Variants in MRPL3 observed in about 807,000 individuals in gnomAD.
MRPL3 encodes mitochondrial ribosomal protein L3, also known as large ribosomal subunit protein uL3m.
Under a neutral mutation model 44.3 loss-of-function variants are expected in MRPL3, and 43 were observed. The ratio of observed to expected loss-of-function variants is 0.97; its 90% CI spans 0.76 to 1.25. The LOEUF (loss-of-function observed/expected upper bound fraction) is 1.25. MRPL3 is among the 50% of genes most tolerant of loss of function. The probability of loss-of-function intolerance (pLI) is 0.00; values close to 1 mark genes in which losing one functional copy is unlikely to be tolerated. For synonymous variants in MRPL3, 171 were observed against 152.3 expected, an observed-to-expected ratio of 1.12 and a Z score of -0.91; for missense variants, 406 against 427.6, an observed-to-expected ratio of 0.95 and a Z score of 0.45.
In MRPL3 at chr3:131,502,916, C is replaced by T; in HGVS notation, c.-95G>A. The T allele has an allele frequency of 8.2e-7, 1 of 1,224,054 alleles. No individual in the cohort carries two copies. Among genetic ancestry groups the T allele is most frequent in the South Asian group, 1.3e-5 (1 of 78,188 alleles). The allele number at this position is 1,224,054 out of a possible 1,614,324, so 75.8% of individuals were successfully genotyped here. A position where few individuals can be genotyped will look rare whatever the true frequency, so the allele number is the denominator to read the frequency against. ...CGCCACCGCCACGTGGACGCAGTAG[C>T]CGTGGGGAAGTTTTCGCAATGGCCG... On this transcript the variant is annotated 5_prime_UTR_variant, in exon 1 of 10. Transcript: ENST00000264995.
At chr3:131,492,753 C>T (rs1385473871) in intron 4 of MRPL3, among the ~76,000 whole-genome samples, 1 of 152,174 alleles carries the variant, frequency 6.6e-6, no homozygotes, top group Non-Finnish European at 1.5e-5. Context: ...CAAATCTAAG[C>T]TTCCTGAAAG....
intron 9 of MRPL3, among the ~76,000 whole-genome samples, chr3:131,463,904 TACTTTAGCA>T (rs1933545424): frequency 1.3e-5 from 2 of 152,140 alleles, no homozygotes; most frequent in South Asian, 4.1e-4. Context: ...GAGGCATAAT[TACTTTAGCA>T]ATAAGAAATG....
At chr3:131,489,156 C>T (rs188812201) in intron 5 of MRPL3, among the ~76,000 whole-genome samples, 24 of 152,048 alleles carry the variant, frequency 1.6e-4, no homozygotes, top group African/African-American at 5.8e-4. Context: ...TAGAACTATC[C>T]CTTTATATTT....
At chr3:131,478,901 C>A (rs895507792) in intron 6 of MRPL3, among the ~76,000 whole-genome samples, 1 of 151,922 alleles carries the variant, frequency 6.6e-6, no homozygotes, top group Non-Finnish European at 1.5e-5. Flanking sequence ...CTATGTTGGT[C>A]AGGCTGGTCT....
At chr3:131,467,260 A>G (rs1933633303) in intron 9 of MRPL3, among the ~76,000 whole-genome samples, 1 of 151,824 alleles carries the variant, frequency 6.6e-6, no homozygotes, top group Non-Finnish European at 1.5e-5. Flanking sequence ...ACACATACAC[A>G]CACACACACA....
Position 131,489,968 on chromosome 3 carries a change from A to C in MRPL3, c.568+13T>G. On this transcript the variant is annotated intron_variant, in intron 5 of 9. Coordinates refer to ENST00000264995, the MANE Select transcript of MRPL3 (RefSeq NM_007208.4). Reference sequence around the variant, plus strand: ...GTATTTTTACCTCCCTCCTCTCCCCAACCTCAAATTACCTGGTTTAATTGC... The same window carrying C: ...GTATTTTTACCTCCCTCCTCTCCCCCACCTCAAATTACCTGGTTTAATTGC... 6.4e-7 allele frequency: 1 copy of C among 1,557,304 alleles called. No individual in the cohort carries two copies. The highest frequency in any genetic ancestry group is 2.2e-5 in the East Asian group (1 of 44,536).
At position 131,462,663 on chromosome 3, in the gene MRPL3, A is replaced by G. The variant is rs1933515692; in HGVS notation, c.*60T>C. On this transcript the variant is annotated 3_prime_UTR_variant, in exon 10 of 10. Coordinates refer to ENST00000264995, the MANE Select transcript of MRPL3 (RefSeq NM_007208.4). ...GAGAGTATGATTTCTGGTGGTTATG[A>G]TATCACTCTGGCTCATCGAAGCTCA... 12 of 1,472,876 alleles carry G rather than the reference A, an allele frequency of 8.1e-6. No individual in the cohort carries two copies. The highest frequency in any genetic ancestry group is 1.4e-5 in the African/African-American group (1 of 71,086). The allele number at this position is 1,472,876 out of a possible 1,614,324, so 91.2% of individuals were successfully genotyped here. A position where few individuals can be genotyped will look rare whatever the true frequency, so the allele number is the denominator to read the frequency against.
chr3:131,462,951 A>T, intron 9 of MRPL3, 76 bp from the exon 10 acceptor site: 1 of 1,248,758 alleles, frequency 8.0e-7, no homozygotes, highest in Non-Finnish European at 1.1e-6. Context: ...ATTCATAATC[A>T]AAGAAATACT....
chr3:131,467,598 C>A (rs1174592638), intron 9 of MRPL3, among the ~76,000 whole-genome samples: 1 of 152,046 alleles, frequency 6.6e-6, no homozygotes, highest in African/African-American at 2.4e-5. Context: ...AGCACCTCCC[C>A]CTTCCCTCTC....
chr3:131,468,353 A>G (rs1432435508), intron 8 of MRPL3, among the ~76,000 whole-genome samples, 185 bp from the exon 9 acceptor site: 2 of 152,178 alleles, frequency 1.3e-5, no homozygotes, highest in African/African-American at 2.4e-5. Flanking sequence ...CATAGCAAAT[A>G]TATCTTATGG....
At chr3:131,484,802 T>C (rs1353121648) in intron 6 of MRPL3, among the ~76,000 whole-genome samples, 4 of 152,196 alleles carry the variant, frequency 2.6e-5, no homozygotes, top group African/African-American at 7.2e-5. Context: ...TAATAAGATG[T>C]CAGCTACAAG....
intron 4 of MRPL3, among the ~76,000 whole-genome samples, chr3:131,495,144 G>C (rs7651116): frequency 0.099 from 15,081 of 152,094 alleles, 1,520 homozygotes; most frequent in African/African-American, 0.26. Flanking sequence ...CTATTATAAA[G>C]TGATTTAATT....
chr3:131,502,479 C>T (rs1934519826), intron 1 of MRPL3, among the ~76,000 whole-genome samples: 1 of 152,224 alleles, frequency 6.6e-6, no homozygotes, highest in African/African-American at 2.4e-5. Flanking sequence ...CTGGCAAACG[C>T]TCACTAATTG....
intron 1 of MRPL3, chr3:131,501,951 C>G (rs1167338946): frequency 6.6e-7 from 1 of 1,514,612 alleles, no homozygotes; most frequent in South Asian, 1.2e-5. Context: ...ATCTTCTCCT[C>G]GCAGATAAAC....
chr3:131,480,170 C>T (rs949528580), intron 6 of MRPL3, among the ~76,000 whole-genome samples: 4 of 152,250 alleles, frequency 2.6e-5, no homozygotes, highest in Non-Finnish European at 5.9e-5. Context: ...AGCTTCTCCT[C>T]ATTTCAGCAA....
At chr3:131,467,948 A>G in intron 9 of MRPL3, 143 bp downstream of exon 9, 2 of 441,316 alleles carry the variant, frequency 4.5e-6, no homozygotes, top group Admixed American at 8.7e-5. Context: ...CCATTTATTT[A>G]TAAGCCACAT....
chr3:131,490,663 A>C (rs1446708722), intron 4 of MRPL3, among the ~76,000 whole-genome samples: 7 of 152,230 alleles, frequency 4.6e-5, no homozygotes, highest in Admixed American at 4.6e-4. Context: ...TAAAAGAATT[A>C]AGAGAACTTC....
rs146622166 is a variant in MRPL3 at position 131,462,750 on chromosome 3, G to A, written c.1020C>T (p.Pro340=). Residue 340 remains proline, a synonymous_variant, in exon 10 of 10, where the codon CCC becomes CCT. Coordinates refer to ENST00000264995, the MANE Select transcript of MRPL3 (RefSeq NM_007208.4). ...EDLYDENVCQ[P]GAPSITFA is the part of the protein sequence containing the mutation. ...AGGCAAATGTAATAGAAGGCGCACC[G>A]GGCTGACACACGTTTTCATCATACA... 4.6e-5 allele frequency: 74 copies of A among 1,611,604 alleles called. No homozygotes were observed. In the African/African-American group the frequency reaches 6.0e-4, roughly 13 times the overall value.
At chr3:131,501,936 A>G (rs191728110) in intron 1 of MRPL3, 26 of 1,532,426 alleles carry the variant, frequency 1.7e-5, no homozygotes, top group Admixed American at 2.0e-5. Context: ...TGGAGAAAAA[A>G]ATTCATCTTC....
Sources: gnomAD v4.1 joint callset for allele counts (sites outside exome capture counted in the v4.1 genomes callset) on GRCh38, gnomAD v4.1.1 for gene constraint, MANE v1.5 for transcripts, NCBI Gene and HGNC (gene_info 2026-07-23, HGNC 2026-07-21) for gene names.